PDXDC1: variants seen among roughly 807,000 people sequenced by gnomAD.
The protein encoded by PDXDC1 is pyridoxal-dependent decarboxylase domain-containing protein 1.
A neutral mutation model predicts 100.1 loss-of-function variants in PDXDC1; 42 were observed. The observed-to-expected ratio is 0.42, with a 90% CI of 0.33 to 0.54. The LOEUF (loss-of-function observed/expected upper bound fraction) is 0.54, where lower values mean the gene tolerates loss of function less well. Among genes scored for constraint, PDXDC1 ranks in the 20% least tolerant of loss-of-function variants. The pLI is 0.10. For synonymous variants in PDXDC1, 260 were observed against 371.7 expected, an observed-to-expected ratio of 0.70 and a Z score of 3.46; for missense variants, 636 against 979.2, an observed-to-expected ratio of 0.65 and a Z score of 4.68.
intron 13 of PDXDC1, among the ~76,000 whole-genome samples, chr16:15,023,199 T>C (rs1213753963): frequency 2.0e-5 from 3 of 152,284 alleles, no homozygotes; most frequent in African/African-American, 7.2e-5. Flanking sequence ...GAAAAGCAAA[T>C]GGCCCTGCTC....
In PDXDC1 at chr16:15,006,203, C is replaced by T. The variant is rs547340956; in HGVS notation, c.390-191C>T. 2.2e-4 allele frequency among the ~76,000 whole-genome samples: 34 copies of T among 152,388 alleles called. No individual in the cohort carries two copies. The South Asian group carries it at 2.9e-3, about 13-fold the overall frequency. ...GGGTATGGATGGAGGGTTATTGTCTCGCTGCTTGGTAACCTCAGCTGTAAT... is the reference window on the plus strand; with the variant it reads ...GGGTATGGATGGAGGGTTATTGTCTTGCTGCTTGGTAACCTCAGCTGTAAT... On this transcript the variant is annotated intron_variant, in intron 5 of 22. Coordinates refer to ENST00000396410, the MANE Select transcript of PDXDC1 (RefSeq NM_015027.4).
chr16:15,034,386 C>T lies in PDXDC1; in HGVS notation c.1905+8C>T, dbSNP rs1237997104. ...GAACGGCTTCTGGAAGAGGTGAGGC[C>T]CCCGATGGGCAGCAGGCTGGGGGAG... On this transcript the variant is annotated splice_region_variant and intron_variant, in intron 20 of 22. Coordinates refer to ENST00000396410, the MANE Select transcript of PDXDC1 (RefSeq NM_015027.4). The T allele has an allele frequency of 3.1e-6, 5 of 1,613,366 alleles. No individual in the cohort carries two copies. In the South Asian group the frequency reaches 5.5e-5, roughly 18 times the overall value.
intron 16 of PDXDC1, among the ~76,000 whole-genome samples, chr16:15,079,085 C>T (rs2045587343): frequency 6.6e-6 from 1 of 152,152 alleles, no homozygotes; most frequent in African/African-American, 2.4e-5. Context: ...GCTGGGATTA[C>T]ATGCGTGAGC....
In PDXDC1 at chr16:15,128,382, C is replaced by T. The variant is rs543052241; in HGVS notation, c.1400-10497C>T. ...CATACAGCATGATGCCCACGTGGGC[C>T]GTGGTACCTGGAGGGCAAGAGGGAG... On this transcript the variant is annotated intron_variant, in intron 16 of 16. Transcript: ENST00000535621. 2.1e-4 allele frequency: 335 copies of T among 1,579,026 alleles called. 1 individual carries two copies. The African/African-American group carries it at 3.9e-3, about 18-fold the overall frequency.
chr16:15,091,601 G>C (rs1423657123), intron 16 of PDXDC1, among the ~76,000 whole-genome samples: 2 of 151,890 alleles, frequency 1.3e-5, no homozygotes, highest in East Asian at 3.9e-4. Flanking sequence ...CTATACTTCT[G>C]TATTGACATT....
At chr16:15,056,074 C>G (rs972570774) in intron 16 of PDXDC1, 11 of 352,236 alleles carry the variant, frequency 3.1e-5, no homozygotes, top group African/African-American at 1.1e-4. Flanking sequence ...CGTCCCGCCT[C>G]GTCCTGCCCC....
At chr16:15,047,636 G>T in intron 16 of PDXDC1, 1 of 1,062,440 alleles carries the variant, frequency 9.4e-7, no homozygotes, top group Non-Finnish European at 1.5e-6. Flanking sequence ...CCTCCGGACC[G>T]CCTCATCTTT....
intron 8 of PDXDC1, among the ~76,000 whole-genome samples, chr16:15,013,874 CAAAAAAAA>C (rs58185654): frequency 8.1e-5 from 11 of 135,962 alleles, no homozygotes; most frequent in African/African-American, 8.3e-5. Context: ...GTCTCTGTCT[CAAAAAAAA>C]AAAAAAAAAA....
intron 16 of PDXDC1, among the ~76,000 whole-genome samples, chr16:15,136,333 C>T (rs4087424): frequency 1.8e-3 from 274 of 152,184 alleles, no homozygotes; most frequent in African/African-American, 4.9e-3. Context: ...GGGATCCCCG[C>T]GCAGGCCACC....
At chr16:15,077,029 G>C (rs1469101649) in intron 16 of PDXDC1, among the ~76,000 whole-genome samples, 1 of 150,810 alleles carries the variant, frequency 6.6e-6, no homozygotes, top group Non-Finnish European at 1.5e-5. Flanking sequence ...GCCCAGGCTG[G>C]AATACAATGG....
At chr16:14,996,253 C>T in intron 1 of PDXDC1, 1 of 306,688 alleles carries the variant, frequency 3.3e-6, no homozygotes. Context: ...TTCTTAAAAA[C>T]AATTTTGAGG....
chr16:15,101,857 T>C (rs1220478291), intron 16 of PDXDC1, among the ~76,000 whole-genome samples: 1 of 151,568 alleles, frequency 6.6e-6, no homozygotes, highest in East Asian at 1.9e-4. Context: ...TTGTGTGTTT[T>C]TATTGTCTCG....
intron 16 of PDXDC1, chr16:15,133,266 C>T (rs1167682850): frequency 7.6e-6 from 12 of 1,575,402 alleles, no homozygotes; most frequent in East Asian, 4.5e-5. Flanking sequence ...GCACTCACCT[C>T]GTTCAGGACG....
chr16:15,027,188 G>T (rs2042673845), intron 14 of PDXDC1, among the ~76,000 whole-genome samples: 1 of 152,298 alleles, frequency 6.6e-6, no homozygotes, highest in African/African-American at 2.4e-5. Flanking sequence ...AGGGTTATAA[G>T]TGGAAGTCAC....
At chr16:15,021,336 T>G (rs1464513283) in intron 12 of PDXDC1, among the ~76,000 whole-genome samples, 1 of 151,822 alleles carries the variant, frequency 6.6e-6, no homozygotes, top group Non-Finnish European at 1.5e-5. Flanking sequence ...CAAATAGCAC[T>G]ACTGCACTAC....
chr16:15,114,313 T>TA (rs1172070922), intron 16 of PDXDC1: 13 of 497,620 alleles, frequency 2.6e-5, no homozygotes, highest in Non-Finnish European at 4.5e-5. Context: ...CTTATGCTAA[T>TA]AAATCATTTC....
At chr16:15,147,057 G>A in the PDXDC1 span, among the ~76,000 whole-genome samples, 7,165 of 150,440 alleles carry the variant, frequency 0.048, 254 homozygotes, top group Non-Finnish European at 0.066. Flanking sequence ...TACAGGGAAG[G>A]GACACAGCAG....
chr16:15,132,568 C>T (rs1250936059), intron 16 of PDXDC1, among the ~76,000 whole-genome samples: 4 of 151,330 alleles, frequency 2.6e-5, no homozygotes, highest in Non-Finnish European at 4.4e-5. Flanking sequence ...GCTGAGGCTA[C>T]TGAAGCAGGT....
In PDXDC1 at chr16:15,133,187, G is replaced by C. The variant is rs562950945; in HGVS notation, c.1400-5692G>C. 13 of 1,036,112 alleles carry C rather than the reference G, an allele frequency of 1.3e-5. No homozygotes were observed. In the African/African-American group the frequency reaches 1.4e-4, roughly 11 times the overall value. 64.2% of individuals were successfully genotyped at this position (1,036,112 alleles called of 1,614,324 possible). A position where few individuals can be genotyped will look rare whatever the true frequency, so the allele number is the denominator to read the frequency against. On this transcript the variant is annotated intron_variant, in intron 16 of 16. Coordinates refer to the PDXDC1 transcript ENST00000535621. ...GGGCCCGGGATAAGCCCTCCGCAAAGCTCCAGGCAGGGGTACAGGTCTTGG... is the reference window on the plus strand; with the variant it reads ...GGGCCCGGGATAAGCCCTCCGCAAACCTCCAGGCAGGGGTACAGGTCTTGG...
Sources: gnomAD v4.1 joint callset for allele counts (sites outside exome capture counted in the v4.1 genomes callset) on GRCh38, gnomAD v4.1.1 for gene constraint, MANE v1.5 for transcripts, NCBI Gene and HGNC (gene_info 2026-07-23, HGNC 2026-07-21) for gene names.